Variants in MAGI1 observed in about 807,000 individuals in gnomAD.
MAGI1 encodes the protein membrane associated guanylate kinase, WW and PDZ domain containing 1, also known as membrane-associated guanylate kinase, WW and PDZ domain-containing protein 1.
A neutral mutation model predicts 139.9 loss-of-function variants in MAGI1; 58 were observed. The ratio of observed to expected loss-of-function variants is 0.41; its 90% CI spans 0.34 to 0.52. The LOEUF (loss-of-function observed/expected upper bound fraction) is 0.52, where lower values mean the gene tolerates loss of function less well. MAGI1 is among the 20% of genes least tolerant of loss of function. The pLI, the probability that MAGI1 is intolerant of heterozygous loss-of-function variation, is 0.12. For missense variants in MAGI1, 1,874 were observed against 1,901.6 expected (o/e 0.99, Z 0.27); for synonymous variants, 812 against 737.9 (o/e 1.10, Z -1.63).
At chr3:65,928,599 T>C (rs910594185) in intron 1 of MAGI1, among the ~76,000 whole-genome samples, 1 of 152,216 alleles carries the variant, frequency 6.6e-6, no homozygotes, top group Non-Finnish European at 1.5e-5. Flanking sequence ...TTAGTTGCTG[T>C]ATTCCATTGT....
chr3:66,013,949 CT>C (rs1363892803), intron 1 of MAGI1, among the ~76,000 whole-genome samples: 2 of 152,130 alleles, frequency 1.3e-5, no homozygotes, highest in Non-Finnish European at 2.9e-5. Context: ...AACTTCTCCC[CT>C]GATAAAGACC....
intron 12 of MAGI1, among the ~76,000 whole-genome samples, chr3:65,427,652 T>C (rs1266349552): frequency 1.3e-5 from 2 of 152,152 alleles, no homozygotes; most frequent in African/African-American, 2.4e-5. Flanking sequence ...ATCAGTGTTA[T>C]TCAGTTAAGT....
chr3:65,508,195 A>G (rs56671087), intron 2 of MAGI1, among the ~76,000 whole-genome samples: 46,945 of 151,938 alleles, frequency 0.31, 8,946 homozygotes, highest in East Asian at 0.73. Flanking sequence ...CAAGGTCAGG[A>G]GATCAACACC....
rs549445611 is a variant in MAGI1, at chr3:65,645,466, G to A, written c.314-23378C>T. Among the ~76,000 whole-genome samples the A allele has an allele frequency of 3.9e-5, 6 of 152,234 alleles. 1 individual carries two copies. In the South Asian group the frequency reaches 1.2e-3, roughly 32 times the overall value. On this transcript the variant is annotated intron_variant, in intron 1 of 22. Coordinates refer to ENST00000402939, the MANE Select transcript of MAGI1 (RefSeq NM_001033057.2). ...GTAAAAATATTCTTCAGGAATGTAGGTGAAATCAAGAGATTCTCAGGTAAC... is the reference window on the plus strand; with the variant it reads ...GTAAAAATATTCTTCAGGAATGTAGATGAAATCAAGAGATTCTCAGGTAAC...
intron 1 of MAGI1, among the ~76,000 whole-genome samples, chr3:65,812,468 T>TCTCACACACACA (rs1176899313): frequency 2.2e-5 from 2 of 89,088 alleles, no homozygotes; most frequent in African/African-American, 6.4e-5. Context: ...TCTCTCTCTC[T>TCTCACACACACA]CACACACACA....
intron 1 of MAGI1, among the ~76,000 whole-genome samples, chr3:65,680,011 TG>T (rs2087469373): frequency 6.6e-6 from 1 of 152,150 alleles, no homozygotes; most frequent in African/African-American, 2.4e-5. Flanking sequence ...ACAGGGTCCT[TG>T]CTTAGAGGGT....
chr3:65,670,315 C>T (rs533145524), intron 1 of MAGI1, among the ~76,000 whole-genome samples: 81 of 149,562 alleles, frequency 5.4e-4, no homozygotes, highest in Non-Finnish European at 6.7e-4. Flanking sequence ...CATATGTATA[C>T]ATACACACAT....
chr3:65,630,309 G>A (rs1330340953), intron 1 of MAGI1, among the ~76,000 whole-genome samples: 2 of 152,138 alleles, frequency 1.3e-5, no homozygotes, highest in African/African-American at 4.8e-5. Context: ...GTTAAGGTGA[G>A]AACTAAAGGA....
intron 10 of MAGI1, among the ~76,000 whole-genome samples, chr3:65,432,883 C>T (rs757968890): frequency 3.9e-5 from 6 of 152,242 alleles, no homozygotes; most frequent in Middle Eastern, 3.4e-3. Flanking sequence ...CCATTACCTT[C>T]GCAGCAAGAC....
chr3:65,549,451 C>A (rs1425152731), intron 2 of MAGI1: 3 of 985,110 alleles, frequency 3.0e-6, no homozygotes, highest in South Asian at 4.7e-5. Context: ...CGGTCACTGC[C>A]GGAGCCCAGG....
At chr3:65,530,653 GTGTGTGTGTATA>G (rs1289954685) in intron 2 of MAGI1, among the ~76,000 whole-genome samples, 5 of 94,904 alleles carry the variant, frequency 5.3e-5, no homozygotes, top group African/African-American at 1.6e-4. Flanking sequence ...GTGTGTGTGT[GTGTGTGTGTATA>G]TATATATACA....
chr3:66,028,485 G>A (rs2068414584), intron 1 of MAGI1, among the ~76,000 whole-genome samples: 1 of 151,642 alleles, frequency 6.6e-6, no homozygotes, highest in African/African-American at 2.4e-5. Flanking sequence ...TTTGAACCCA[G>A]GCGGTCTGAC....
At chr3:65,574,738 T>A (rs1368467636) in intron 2 of MAGI1, among the ~76,000 whole-genome samples, 1 of 152,072 alleles carries the variant, frequency 6.6e-6, no homozygotes, top group Non-Finnish European at 1.5e-5. Context: ...CAAGACAGTG[T>A]TGTACTGGTG....
At chr3:65,684,902 G>C (rs897237088) in intron 1 of MAGI1, among the ~76,000 whole-genome samples, 3 of 107,240 alleles carry the variant, frequency 2.8e-5, no homozygotes, top group Non-Finnish European at 5.2e-5. Flanking sequence ...TTTTTTGGTA[G>C]AGATGAGATT....
chr3:65,805,135 A>G (rs899054596), intron 1 of MAGI1, among the ~76,000 whole-genome samples: 1 of 152,202 alleles, frequency 6.6e-6, no homozygotes, highest in African/African-American at 2.4e-5. Flanking sequence ...AGAAACTATC[A>G]TCAGAGCAAA....
intron 1 of MAGI1, among the ~76,000 whole-genome samples, chr3:65,996,309 C>G (rs2066444960): frequency 6.6e-6 from 1 of 152,114 alleles, no homozygotes; most frequent in Non-Finnish European, 1.5e-5. Flanking sequence ...TCAATAATTG[C>G]CAGCTACTAT....
intron 1 of MAGI1, among the ~76,000 whole-genome samples, chr3:65,797,195 T>G (rs774268913): frequency 4.6e-5 from 7 of 152,314 alleles, no homozygotes; most frequent in Non-Finnish European, 1.0e-4. Flanking sequence ...GTGCAGACAA[T>G]GTAAGCCATT....
intron 4 of MAGI1, among the ~76,000 whole-genome samples, chr3:65,472,594 C>A (rs1950617455): frequency 6.6e-6 from 1 of 152,174 alleles, no homozygotes; most frequent in Admixed American, 6.5e-5. Context: ...TCCAGAATCA[C>A]CAGGACCTCC....
intron 2 of MAGI1, among the ~76,000 whole-genome samples, chr3:65,518,550 A>G (rs2107790370): frequency 6.6e-6 from 1 of 152,276 alleles, no homozygotes; most frequent in African/African-American, 2.4e-5. Flanking sequence ...GGGATCCTGT[A>G]CCCTAAATTC....
Sources: allele counts gnomAD v4.1 joint callset (sites outside exome capture counted in the v4.1 genomes callset), GRCh38; gene constraint gnomAD v4.1.1; transcripts MANE v1.5; gene names NCBI Gene and HGNC (gene_info 2026-07-23, HGNC 2026-07-21).